The following SSBP3 variants were observed in gnomAD, a reference collection of about 807,000 sequenced individuals.
The protein encoded by SSBP3 is single-stranded DNA-binding protein 3.
SSBP3 carries 5 observed loss-of-function variants against 69.6 expected under a neutral mutation model. The observed-to-expected ratio is 0.07, with a 90% CI of 0.04 to 0.15. The LOEUF is 0.15. Among genes scored for constraint, SSBP3 ranks in the 10% least tolerant of loss-of-function variants. The pLI is 1.00. For synonymous variants in SSBP3, 196 were observed against 193.4 expected, an observed-to-expected ratio of 1.01 and a Z score of -0.11; for missense variants, 312 against 534.0, an observed-to-expected ratio of 0.58 and a Z score of 4.10.
chr1:54,393,512 G>A (rs149802791), intron 4 of SSBP3, among the ~76,000 whole-genome samples: 3 of 152,244 alleles, frequency 2.0e-5, no homozygotes, highest in Admixed American at 6.5e-5. Context: ...AGCACAGGCC[G>A]GGTGTAGTGG....
chr1:54,288,937 G>A (rs7524257), intron 4 of SSBP3, among the ~76,000 whole-genome samples: 5,141 of 147,584 alleles, frequency 0.035, 293 homozygotes, highest in African/African-American at 0.12. Context: ...GGAGACTCGC[G>A]TGAACCCGGG....
At chr1:54,308,626 G>T (rs1025507474) in intron 4 of SSBP3, among the ~76,000 whole-genome samples, 1 of 150,748 alleles carries the variant, frequency 6.6e-6, no homozygotes, top group African/African-American at 2.4e-5. Flanking sequence ...AAATTAGCCG[G>T]GCGTGGTGGC....
chr1:54,384,091 G>GC (rs1159195160), intron 4 of SSBP3, among the ~76,000 whole-genome samples: 1 of 128,790 alleles, frequency 7.8e-6, no homozygotes, highest in Non-Finnish European at 1.6e-5. Flanking sequence ...GGGCAACAGT[G>GC]CAAGACTCCA....
chr1:54,281,204 C>G (rs997644871), intron 5 of SSBP3, among the ~76,000 whole-genome samples: 1 of 152,208 alleles, frequency 6.6e-6, no homozygotes, highest in South Asian at 2.1e-4. Flanking sequence ...AAAGCAAACT[C>G]CAGCAGAAGT....
At chr1:54,296,091 T>G (rs1645699155) in intron 4 of SSBP3, among the ~76,000 whole-genome samples, 1 of 152,264 alleles carries the variant, frequency 6.6e-6, no homozygotes, top group African/African-American at 2.4e-5. Context: ...GCCTGGTTCT[T>G]CTGGGACATT....
intron 5 of SSBP3, among the ~76,000 whole-genome samples, chr1:54,268,434 G>GAC (rs1482810210): frequency 6.6e-6 from 1 of 152,198 alleles, no homozygotes; most frequent in Non-Finnish European, 1.5e-5. Context: ...AAGCTCTCCA[G>GAC]ACACACGGGT....
intron 5 of SSBP3, among the ~76,000 whole-genome samples, chr1:54,263,987 CAAAACA>C (rs942137315): frequency 3.4e-4 from 51 of 150,810 alleles, no homozygotes; most frequent in African/African-American, 1.2e-3. Flanking sequence ...AAACCAAAAC[CAAAACA>C]AAAACAAAAA....
chr1:54,384,325 G>C (rs1051504808), intron 4 of SSBP3, among the ~76,000 whole-genome samples: 3 of 152,208 alleles, frequency 2.0e-5, no homozygotes, highest in Non-Finnish European at 4.4e-5. Flanking sequence ...GAACTGAGCA[G>C]ACGAACTTGG....
chr1:54,358,161 A>G (rs1418477758), intron 4 of SSBP3, among the ~76,000 whole-genome samples: 5 of 152,186 alleles, frequency 3.3e-5, no homozygotes, highest in Non-Finnish European at 7.4e-5. Context: ...GCTTATCTTC[A>G]TTGGGCACTT....
chr1:54,232,994 G>A (rs531287498), intron 14 of SSBP3, among the ~76,000 whole-genome samples: 3 of 152,112 alleles, frequency 2.0e-5, no homozygotes, highest in Non-Finnish European at 4.4e-5. Flanking sequence ...GCCTCTGCCC[G>A]GCCGCCACCC....
At chr1:54,310,414 G>C (rs1379452960) in intron 4 of SSBP3, among the ~76,000 whole-genome samples, 1 of 152,034 alleles carries the variant, frequency 6.6e-6, no homozygotes, top group African/African-American at 2.4e-5. Flanking sequence ...GTGGGCTGGG[G>C]GAAAATGCAG....
chr1:54,252,697 C>T (rs1397198644), intron 7 of SSBP3, among the ~76,000 whole-genome samples: 1 of 152,228 alleles, frequency 6.6e-6, no homozygotes, highest in African/African-American at 2.4e-5. Flanking sequence ...GCTGTGAAAC[C>T]CTATGAAAAG....
intron 7 of SSBP3, among the ~76,000 whole-genome samples, chr1:54,254,841 C>G (rs1410093271): frequency 2.0e-5 from 3 of 151,216 alleles, no homozygotes; most frequent in Non-Finnish European, 4.4e-5. Flanking sequence ...CTTTTTTCTT[C>G]TTTTTTTTTG....
chr1:54,312,094 G>A (rs1646013606), intron 4 of SSBP3, among the ~76,000 whole-genome samples: 1 of 152,196 alleles, frequency 6.6e-6, no homozygotes, highest in African/African-American at 2.4e-5. Flanking sequence ...GCCAAAGAGG[G>A]CTTCCCTTCT....
At chr1:54,228,341 T>G in exon 17 of SSBP3, 4 of 1,614,134 alleles carry the variant, frequency 2.5e-6, no homozygotes, top group Non-Finnish European at 3.4e-6. Flanking sequence ...ATGCCACTTA[T>G]GTTGTTAGGA....
At chr1:54,388,246 TAGCAGCATGGCTCAAAGGTAG>T (rs1223204266) in intron 4 of SSBP3, among the ~76,000 whole-genome samples, 3 of 152,308 alleles carry the variant, frequency 2.0e-5, no homozygotes, top group East Asian at 3.9e-4. Flanking sequence ...TTTGTCAAAG[TAGCAGCATGGCTCAAAGGTAG>T]AGTGGGGCTC....
At chr1:54,384,648 G>A (rs1447677149) in intron 4 of SSBP3, among the ~76,000 whole-genome samples, 2 of 152,238 alleles carry the variant, frequency 1.3e-5, no homozygotes, top group East Asian at 3.8e-4. Context: ...AACAGCCTGT[G>A]CAAAGGCCCC....
At chr1:54,253,276 C>T (rs563767484) in intron 7 of SSBP3, among the ~76,000 whole-genome samples, 4 of 150,034 alleles carry the variant, frequency 2.7e-5, no homozygotes, top group Admixed American at 2.0e-4. Flanking sequence ...ACTGCAGCCT[C>T]GAACTCCCAG....
At chr1:54,303,847 T>C (rs6694281) in intron 4 of SSBP3, among the ~76,000 whole-genome samples, 42,180 of 152,232 alleles carry the variant, frequency 0.28, 6,443 homozygotes, top group South Asian at 0.41. Flanking sequence ...TGAATATATT[T>C]GGTCATAATT....
Sources: allele counts gnomAD v4.1 joint callset (sites outside exome capture counted in the v4.1 genomes callset), GRCh38; gene constraint gnomAD v4.1.1; transcripts MANE v1.5; gene names NCBI Gene and HGNC (gene_info 2026-07-23, HGNC 2026-07-21).